FJX1: variants seen among roughly 807,000 people sequenced by gnomAD.
The protein encoded by FJX1 is four-jointed box protein 1.
In FJX1, 21 loss-of-function variants were observed where a neutral mutation model predicts 28.7. The observed-to-expected ratio is 0.73, with a 90% CI of 0.52 to 1.05. The LOEUF (loss-of-function observed/expected upper bound fraction) is 1.05. Ranked by LOEUF, FJX1 falls within the 50% of genes least tolerant of loss-of-function variation. FJX1 has a pLI of 0.00. For missense variants in FJX1, 683 were observed against 647.2 expected, an observed-to-expected ratio of 1.06 and a Z score of -0.60; for synonymous variants, 363 against 310.0, an observed-to-expected ratio of 1.17 and a Z score of -1.80.
At position 35,618,778 on chromosome 11, in the gene FJX1, C is replaced by T. The variant is rs1234573056; in HGVS notation, c.142C>T (p.Arg48Trp). The T allele has an allele frequency of 7.2e-6, 9 of 1,254,296 alleles. No homozygotes were observed. Among genetic ancestry groups the T allele is most frequent in the African/African-American group, 1.6e-5 (1 of 63,458 alleles). The allele number at this position is 1,254,296 out of a possible 1,614,324, so 77.7% of individuals were successfully genotyped here. A position where few individuals can be genotyped will look rare whatever the true frequency, so the allele number is the denominator to read the frequency against. The change falls in exon 1 of 1, where the codon CGG becomes TGG. Residue 48 changes from arginine (R) to tryptophan (W), a missense_variant. By Grantham distance (101) the Arg-to-Trp change is moderately radical (BLOSUM62 -3). Coordinates refer to ENST00000317811, the MANE Select transcript of FJX1 (RefSeq NM_014344.4). This position sits in a 1 kb window ranked among gnomAD's most constrained non-coding sequence, Gnocchi z 4.2. ...CCGGCCGCCCGAAGACCGACTCCCA[C>T]GGCGCCCGGCCCGGAGCGGCGGCCC... ...ASRPPEDRLP[R>W]RPARSGGPAP...
Position 35,620,004 on chromosome 11 carries a change from GA to G in FJX1, c.*56del, listed in dbSNP as rs1850881201. On this transcript the variant is annotated 3_prime_UTR_variant, in exon 1 of 1. Coordinates refer to ENST00000317811, the MANE Select transcript of FJX1 (RefSeq NM_014344.4). ...GGGGCTGGGGTATGGATGATGGGGG[GA>G]AGGGCGGTCGCCTCTGCCACTGTCA... 6 of 1,550,850 alleles carry G rather than the reference GA, an allele frequency of 3.9e-6. No individual in the cohort carries two copies. The South Asian group carries it at 6.0e-5, about 15-fold the overall frequency.
Position 35,618,693 on chromosome 11 carries a change from G to A in FJX1, c.57G>A (p.Leu19=), listed in dbSNP as rs1201597018. The change falls in exon 1 of 1, where the codon CTG becomes CTA. Residue 19 remains leucine (L), a synonymous_variant. Coordinates refer to ENST00000317811, the MANE Select transcript of FJX1 (RefSeq NM_014344.4). The surrounding 1 kb of genome is among the most constrained non-coding windows in gnomAD (Gnocchi z 4.2). ...CCGCGGGGCTCTGGCTGCTGGCGCT[G>A]GGCTCGCTGCTGGCGCTGTGGGGAG... ...AATAGLWLLA[L]GSLLALWGGL... 4 of 1,252,748 alleles carry A rather than the reference G, an allele frequency of 3.2e-6. No homozygotes were observed. The African/African-American group carries it at 6.4e-5, about 20-fold the overall frequency. 77.6% of individuals were successfully genotyped at this position (1,252,748 alleles called of 1,614,324 possible).
chr11:35,619,744 C>A lies in FJX1; in HGVS notation c.1108C>A (p.Arg370=), dbSNP rs750994924. ...GCAGTCAGTGTGCGTGTTCCGCGAGCGGACCGCGCGGCGCGTCCTGGAGCT... is the reference window on the plus strand; with the variant it reads ...GCAGTCAGTGTGCGTGTTCCGCGAGAGGACCGCGCGGCGCGTCCTGGAGCT... The part of the protein sequence containing the change: ...LLQSVCVFRE[R]TARRVLELHR... The change falls in exon 1 of 1, where the codon CGG becomes AGG. Residue 370 remains arginine, a synonymous_variant. Transcript: ENST00000317811. This position sits in a 1 kb window ranked among gnomAD's most constrained non-coding sequence, Gnocchi z 7.6. The A allele has an allele frequency of 2.6e-6, 4 of 1,563,668 alleles. No individual in the cohort carries two copies. The East Asian group carries it at 9.6e-5, about 37-fold the overall frequency.
At position 35,619,559 on chromosome 11, in the gene FJX1, A is replaced by T; in HGVS notation, c.923A>T (p.Asn308Ile). ...LTANFDRLVS[N>I]LFSLQWDPRV... ...GCCAACTTCGACCGGCTCGTAAGCA[A>T]CCTCTTCAGCCTGCAGTGGGACCCG... The change falls in exon 1 of 1, where the codon AAC becomes ATC. Residue 308 changes from asparagine to isoleucine, a missense_variant. Coordinates refer to ENST00000317811, the MANE Select transcript of FJX1 (RefSeq NM_014344.4). This position sits in a 1 kb window ranked among gnomAD's most constrained non-coding sequence, Gnocchi z 7.6. 1 of 1,602,824 alleles carries T rather than the reference A, an allele frequency of 6.2e-7. No homozygotes were observed. The highest frequency in any genetic ancestry group is 1.3e-5 in the African/African-American group (1 of 75,014).
At position 35,620,857 on chromosome 11, in the gene FJX1, TA is replaced by T. The variant is rs1850893152; in HGVS notation, c.*911del. ...ACTTATATTTCAATAAAAGGGAGTT[TA>T]AAATTTATAATTTAATTCCTGTGGT... On this transcript the variant is annotated 3_prime_UTR_variant, in exon 1 of 1. Coordinates refer to ENST00000317811, the MANE Select transcript of FJX1 (RefSeq NM_014344.4). 6.0e-6 allele frequency: 1 copy of T among 167,134 alleles called. No homozygotes were observed. The highest frequency in any genetic ancestry group is 1.5e-5 in the Non-Finnish European group (1 of 68,122). The allele number at this position is 167,134 out of a possible 1,614,324, so 10.4% of individuals were successfully genotyped here.
rs2135463196 is a variant in FJX1 at position 35,619,332 on chromosome 11, G to T, written c.696G>T (p.Ala232=). ...WAQVQEELRA[A]HWTEGSVVSL... is the part of the protein sequence containing the mutation. ...AGGTGCAGGAGGAGCTGCGCGCTGC[G>T]CACTGGACCGAGGGCAGCGTGGTGA... Residue 232 remains alanine, a synonymous_variant, in exon 1 of 1, where the codon GCG becomes GCT. Coordinates refer to ENST00000317811, the MANE Select transcript of FJX1 (RefSeq NM_014344.4). The surrounding 1 kb of genome is among the most constrained non-coding windows in gnomAD (Gnocchi z 7.6). 3.2e-6 allele frequency: 5 copies of T among 1,567,446 alleles called. No homozygotes were observed. The highest frequency in any genetic ancestry group is 4.3e-6 in the Non-Finnish European group (5 of 1,164,894).
rs1032888358 is a variant in FJX1, at chr11:35,618,971, C to T, written c.335C>T (p.Pro112Leu). The T allele has an allele frequency of 4.7e-6, 7 of 1,475,388 alleles. No individual in the cohort carries two copies. Among genetic ancestry groups the T allele is most frequent in the African/African-American group, 4.4e-5 (3 of 67,916 alleles). 91.4% of individuals were successfully genotyped at this position (1,475,388 alleles called of 1,614,324 possible). The change falls in exon 1 of 1, where the codon CCG becomes CTG. Residue 112 changes from proline (P) to leucine (L), a missense_variant. Coordinates refer to ENST00000317811, the MANE Select transcript of FJX1 (RefSeq NM_014344.4). This position sits in a 1 kb window ranked among gnomAD's most constrained non-coding sequence, Gnocchi z 4.2. ...RWHVSARQPR[P>L]EESAAVHGGV... The stretch of plus-strand genomic sequence containing the variant: ...CACGTGTCAGCCAGGCAGCCCCGGC[C>T]GGAGGAGAGCGCCGCGGTGCACGGG...
In FJX1 at chr11:35,619,263, G is replaced by A. The variant is rs1269388147; in HGVS notation, c.627G>A (p.Pro209=). The change falls in exon 1 of 1, where the codon CCG becomes CCA. Residue 209 remains proline (P), a synonymous_variant. Coordinates refer to ENST00000317811, the MANE Select transcript of FJX1 (RefSeq NM_014344.4). This position sits in a 1 kb window ranked among gnomAD's most constrained non-coding sequence, Gnocchi z 7.6. The part of the protein sequence containing the change: ...RLLGLQRHVP[P]LALARVEARG... The stretch of plus-strand genomic sequence containing the variant: ...TGGGCCTCCAGCGCCACGTGCCGCC[G>A]CTGGCACTGGCTCGGGTGGAGGCTC... 3 of 1,564,494 alleles carry A rather than the reference G, an allele frequency of 1.9e-6. No homozygotes were observed. Among genetic ancestry groups the A allele is most frequent in the East Asian group, 2.4e-5 (1 of 42,088 alleles).
chr11:35,619,045 T>C lies in FJX1; in HGVS notation c.409T>C (p.Ser137Pro), dbSNP rs1350459690. ...GGAGGAGCAGGTGCCCCCGGGCTTTTCGGAGGCCCAGGCGGCGGCGTGGCT... is the reference window on the plus strand; with the variant it reads ...GGAGGAGCAGGTGCCCCCGGGCTTTCCGGAGGCCCAGGCGGCGGCGTGGCT... ...GLEEQVPPGFSEAQAAAWLEA... is the reference protein window; with the variant it reads ...GLEEQVPPGFPEAQAAAWLEA... Residue 137 changes from serine (S) to proline (P), a missense_variant, in exon 1 of 1, where the codon TCG becomes CCG. Transcript: ENST00000317811. The surrounding 1 kb of genome is among the most constrained non-coding windows in gnomAD (Gnocchi z 7.6). 4 of 1,467,114 alleles carry C rather than the reference T, an allele frequency of 2.7e-6. No individual in the cohort carries two copies. Among genetic ancestry groups the C allele is most frequent in the Non-Finnish European group, 3.6e-6 (4 of 1,121,702 alleles). The allele number at this position is 1,467,114 out of a possible 1,614,324, so 90.9% of individuals were successfully genotyped here.
Position 35,618,680 on chromosome 11 carries a change from G to T in FJX1, c.44G>T (p.Trp15Leu), listed in dbSNP as rs763224271. The T allele has an allele frequency of 4.1e-5, 51 of 1,248,590 alleles. No individual in the cohort carries two copies. The highest frequency in any genetic ancestry group is 4.6e-5 in the Non-Finnish European group (46 of 991,142). 77.3% of individuals were successfully genotyped at this position (1,248,590 alleles called of 1,614,324 possible). The change falls in exon 1 of 1, where the codon TGG (tryptophan) becomes TTG (leucine). Residue 15 changes from tryptophan to leucine, a missense_variant. By Grantham distance (61) the Trp-to-Leu change is moderately conservative. Coordinates refer to ENST00000317811, the MANE Select transcript of FJX1 (RefSeq NM_014344.4). The surrounding 1 kb of genome is among the most constrained non-coding windows in gnomAD (Gnocchi z 4.2). ...GGCGCCGCCGCCACCGCGGGGCTCT[G>T]GCTGCTGGCGCTGGGCTCGCTGCTG... ...MRGAAATAGL[W>L]LLALGSLLAL...
At position 35,620,797 on chromosome 11, in the gene FJX1, A is replaced by G. The variant is rs1446606365; in HGVS notation, c.*847A>G. 1.2e-5 allele frequency: 2 copies of G among 167,196 alleles called. No individual in the cohort carries two copies. Among genetic ancestry groups the G allele is most frequent in the East Asian group, 3.8e-4 (2 of 5,198 alleles). The allele number at this position is 167,196 out of a possible 1,614,324, so 10.4% of individuals were successfully genotyped here. On this transcript the variant is annotated 3_prime_UTR_variant, in exon 1 of 1. Transcript: ENST00000317811. ...TACAGAATTTACCTTCTCTGTATAT[A>G]TGTGCATAAAGTGTGGTGTAAATAT...
chr11:35,619,219 T>C lies in FJX1; in HGVS notation c.583T>C (p.Tyr195His). ...GCAGATTCAGGGCGAGGCCCTGTCT[T>C]ACTATCTGGCGCGCCTGCTGGGCCT... ...PEQIQGEALS[Y>H]YLARLLGLQR... The change falls in exon 1 of 1, where the codon TAC becomes CAC. Residue 195 changes from tyrosine (Y) to histidine (H), a missense_variant. Tyr to His is a moderately conservative substitution (Grantham distance 83). Transcript: ENST00000317811. This position sits in a 1 kb window ranked among gnomAD's most constrained non-coding sequence, Gnocchi z 7.6. 6.3e-7 allele frequency: 1 copy of C among 1,587,844 alleles called. No individual in the cohort carries two copies. The highest frequency in any genetic ancestry group is 8.5e-7 in the Non-Finnish European group (1 of 1,175,470).
rs1173133841 is a variant in FJX1, at chr11:35,618,732, G to T, written c.96G>T (p.Pro32=). The change falls in exon 1 of 1, where the codon CCG becomes CCT. Residue 32 remains proline, a synonymous_variant. Coordinates refer to ENST00000317811, the MANE Select transcript of FJX1 (RefSeq NM_014344.4). The surrounding 1 kb of genome is among the most constrained non-coding windows in gnomAD (Gnocchi z 4.2). ...CGCTGTGGGGAGGGCTCCTGCCGCC[G>T]CGGACCGAGCTGCCCGCCTCCCGGC... ...LLALWGGLLP[P]RTELPASRPP... 1.6e-6 allele frequency: 2 copies of T among 1,255,734 alleles called. No homozygotes were observed. The highest frequency in any genetic ancestry group is 3.7e-5 in the East Asian group (1 of 26,816). 77.8% of individuals were successfully genotyped at this position (1,255,734 alleles called of 1,614,324 possible).
chr11:35,620,050 C>G lies in FJX1; in HGVS notation c.*100C>G. Reference sequence around the variant, plus strand: ...CTGTCAGGGACCAGCCGGCCAACGCCCACCCGCAAAGGTGTCTAAAAACTT... The same window carrying G: ...CTGTCAGGGACCAGCCGGCCAACGCGCACCCGCAAAGGTGTCTAAAAACTT... On this transcript the variant is annotated 3_prime_UTR_variant, in exon 1 of 1. Coordinates refer to ENST00000317811, the MANE Select transcript of FJX1 (RefSeq NM_014344.4). 6.6e-7 allele frequency: 1 copy of G among 1,506,728 alleles called. No individual in the cohort carries two copies. Among genetic ancestry groups the G allele is most frequent in the Non-Finnish European group, 8.9e-7 (1 of 1,124,884 alleles). 93.3% of individuals were successfully genotyped at this position (1,506,728 alleles called of 1,614,324 possible). A position where few individuals can be genotyped will look rare whatever the true frequency, so the allele number is the denominator to read the frequency against.
chr11:35,620,020 T>C lies in FJX1; in HGVS notation c.*70T>C. On this transcript the variant is annotated 3_prime_UTR_variant, in exon 1 of 1. Transcript: ENST00000317811. Reference sequence around the variant, plus strand: ...TGATGGGGGGAAGGGCGGTCGCCTCTGCCACTGTCAGGGACCAGCCGGCCA... The same window carrying C: ...TGATGGGGGGAAGGGCGGTCGCCTCCGCCACTGTCAGGGACCAGCCGGCCA... 1 of 1,542,190 alleles carries C rather than the reference T, an allele frequency of 6.5e-7. No individual in the cohort carries two copies. The highest frequency in any genetic ancestry group is 1.2e-5 in the South Asian group (1 of 82,430).
chr11:35,619,006 T>A lies in FJX1; in HGVS notation c.370T>A (p.Trp124Arg). Residue 124 changes from tryptophan to arginine, a missense_variant, in exon 1 of 1, where the codon TGG becomes AGG. Coordinates refer to ENST00000317811, the MANE Select transcript of FJX1 (RefSeq NM_014344.4). The surrounding 1 kb of genome is among the most constrained non-coding windows in gnomAD (Gnocchi z 7.6). ...CGCCGCGGTGCACGGGGGCGTCTTC[T>A]GGAGCCGCGGCCTGGAGGAGCAGGT... The part of the protein sequence containing the change: ...ESAAVHGGVF[W>R]SRGLEEQVPP... 6.8e-7 allele frequency: 1 copy of A among 1,471,928 alleles called. No individual in the cohort carries two copies. The highest frequency in any genetic ancestry group is 8.9e-7 in the Non-Finnish European group (1 of 1,122,730). The allele number at this position is 1,471,928 out of a possible 1,614,324, so 91.2% of individuals were successfully genotyped here.
At position 35,619,331 on chromosome 11, in the gene FJX1, C is replaced by T; in HGVS notation, c.695C>T (p.Ala232Val). ...WAQVQEELRAAHWTEGSVVSL... is the reference protein window; with the variant it reads ...WAQVQEELRAVHWTEGSVVSL... ...CAGGTGCAGGAGGAGCTGCGCGCTG[C>T]GCACTGGACCGAGGGCAGCGTGGTG... The change falls in exon 1 of 1, where the codon GCG (alanine) becomes GTG (valine). Residue 232 changes from alanine to valine, a missense_variant. By Grantham distance (64) the Ala-to-Val change is moderately conservative (BLOSUM62 0). Transcript: ENST00000317811. The surrounding 1 kb of genome is among the most constrained non-coding windows in gnomAD (Gnocchi z 7.6). 9 of 1,566,278 alleles carry T rather than the reference C, an allele frequency of 5.7e-6. No individual in the cohort carries two copies. The highest frequency in any genetic ancestry group is 7.7e-6 in the Non-Finnish European group (9 of 1,164,314).
chr11:35,619,282 G>A lies in FJX1; in HGVS notation c.646G>A (p.Glu216Lys), dbSNP rs1162365637. The A allele has an allele frequency of 6.4e-7, 1 of 1,558,766 alleles. No homozygotes were observed. The highest frequency in any genetic ancestry group is 8.6e-7 in the Non-Finnish European group (1 of 1,161,512). ...HVPPLALARV[E>K]ARGAQWAQVQ... ...GCCGCCGCTGGCACTGGCTCGGGTGGAGGCTCGGGGCGCGCAGTGGGCGCA... is the reference window on the plus strand; with the variant it reads ...GCCGCCGCTGGCACTGGCTCGGGTGAAGGCTCGGGGCGCGCAGTGGGCGCA... Residue 216 changes from glutamate (E) to lysine (K), a missense_variant, in exon 1 of 1, where the codon GAG (glutamate) becomes AAG (lysine). By Grantham distance (56) the Glu-to-Lys change is moderately conservative. Transcript: ENST00000317811. The surrounding 1 kb of genome is among the most constrained non-coding windows in gnomAD (Gnocchi z 7.6).
In FJX1 at chr11:35,619,226, T is replaced by C; in HGVS notation, c.590T>C (p.Leu197Pro). 1.9e-6 allele frequency: 3 copies of C among 1,585,590 alleles called. No homozygotes were observed. Among genetic ancestry groups the C allele is most frequent in the Non-Finnish European group, 2.6e-6 (3 of 1,174,618 alleles). The stretch of plus-strand genomic sequence containing the variant: ...CAGGGCGAGGCCCTGTCTTACTATC[T>C]GGCGCGCCTGCTGGGCCTCCAGCGC... ...QIQGEALSYY[L>P]ARLLGLQRHV... The change falls in exon 1 of 1, where the codon CTG becomes CCG. Residue 197 changes from leucine to proline, a missense_variant. Coordinates refer to ENST00000317811, the MANE Select transcript of FJX1 (RefSeq NM_014344.4). This position sits in a 1 kb window ranked among gnomAD's most constrained non-coding sequence, Gnocchi z 7.6.
Sources: allele counts gnomAD v4.1 joint callset, GRCh38; gene constraint gnomAD v4.1.1; non-coding constraint Gnocchi (gnomAD v3.1); transcripts MANE v1.5; gene names NCBI Gene and HGNC (gene_info 2026-07-23, HGNC 2026-07-21).